SHANK2: variants seen among roughly 807,000 people sequenced by gnomAD.
SHANK2 encodes SH3 and multiple ankyrin repeat domains protein 2.
In SHANK2, 43 loss-of-function variants were observed where a neutral mutation model predicts 133.7. The observed-to-expected ratio is 0.32, with a 90% CI of 0.25 to 0.41. SHANK2 has a LOEUF of 0.41. Among genes scored for constraint, SHANK2 ranks in the 10% least tolerant of loss-of-function variants. The probability of loss-of-function intolerance (pLI) is 1.00; values close to 1 mark genes in which losing one functional copy is unlikely to be tolerated. For synonymous variants in SHANK2, 1,017 were observed against 952.8 expected (o/e 1.07, Z -1.24); for missense variants, 1,994 against 2,235.8 (o/e 0.89, Z 2.18).
intron 6 of SHANK2, among the ~76,000 whole-genome samples, chr11:71,102,274 A>C (rs1488737686): frequency 6.6e-6 from 1 of 151,352 alleles, no homozygotes; most frequent in East Asian, 1.9e-4. Flanking sequence ...TTTTTTTTAC[A>C]CTACTTTTAT....
chr11:70,680,669 C>G (rs1360527742), intron 15 of SHANK2, among the ~76,000 whole-genome samples: 5 of 152,148 alleles, frequency 3.3e-5, no homozygotes, highest in Non-Finnish European at 7.3e-5. Flanking sequence ...CACTCACAGG[C>G]CCCAGGGGTT....
chr11:70,476,400 C>CG (rs1186811505), intron 25 of SHANK2, among the ~76,000 whole-genome samples: 6 of 152,058 alleles, frequency 3.9e-5, no homozygotes, highest in Non-Finnish European at 1.5e-5. Context: ...CTGCAACCCC[C>CG]CCTTCTCTGG....
At chr11:70,686,832 C>A (rs1195813663) in intron 15 of SHANK2, among the ~76,000 whole-genome samples, 1 of 152,218 alleles carries the variant, frequency 6.6e-6, no homozygotes, top group African/African-American at 2.4e-5. Flanking sequence ...GTGAGCATTT[C>A]CCGAAAACCT....
intron 17 of SHANK2, among the ~76,000 whole-genome samples, chr11:70,524,859 A>G (rs2059376289): frequency 6.6e-6 from 1 of 152,246 alleles, no homozygotes; most frequent in Non-Finnish European, 1.5e-5. Flanking sequence ...GCCTCTCACC[A>G]TCTCATGCAC....
At chr11:71,161,393 C>A (rs1459527703) in intron 2 of SHANK2, among the ~76,000 whole-genome samples, 2 of 152,158 alleles carry the variant, frequency 1.3e-5, no homozygotes, top group Non-Finnish European at 2.9e-5. Flanking sequence ...TAGAGAATCC[C>A]CTTCCCTTTC....
Position 70,869,254 on chromosome 11 carries a change from C to G in SHANK2, c.1174+27247G>C, listed in dbSNP as rs959898472. Among the ~76,000 whole-genome samples the G allele has an allele frequency of 2.0e-5, 3 of 152,330 alleles. No individual in the cohort carries two copies. The East Asian group carries it at 5.8e-4, about 29-fold the overall frequency. On this transcript the variant is annotated intron_variant, in intron 11 of 25. Coordinates refer to ENST00000601538, the MANE Select transcript of SHANK2 (RefSeq NM_012309.5). ...AAATGACTTGTGTAAGCCTCCCTGTCTGTGGTGCTTTATGACGGCAGCTGG... is the reference window on the plus strand; with the variant it reads ...AAATGACTTGTGTAAGCCTCCCTGTGTGTGGTGCTTTATGACGGCAGCTGG...
intron 14 of SHANK2, among the ~76,000 whole-genome samples, chr11:70,707,372 C>CAAAAA (rs1172194976): frequency 1.4e-4 from 8 of 57,878 alleles, no homozygotes; most frequent in Non-Finnish European, 1.2e-4. Context: ...AACTCCATCT[C>CAAAAA]AAAAAAAAAA....
chr11:70,810,168 C>A (rs940573436), intron 12 of SHANK2, among the ~76,000 whole-genome samples: 5 of 152,170 alleles, frequency 3.3e-5, no homozygotes, highest in African/African-American at 9.7e-5. Flanking sequence ...CAGTGAGCCA[C>A]CAGGGAGCAG....
intron 17 of SHANK2, among the ~76,000 whole-genome samples, chr11:70,652,996 G>A (rs1444128310): frequency 6.6e-6 from 1 of 151,840 alleles, no homozygotes; most frequent in East Asian, 1.9e-4. Context: ...TTTTTGAGAT[G>A]GAGTCTCGCT....
intron 17 of SHANK2, among the ~76,000 whole-genome samples, chr11:70,523,772 A>G (rs1286737695): frequency 1.4e-4 from 21 of 152,144 alleles, no homozygotes; most frequent in Admixed American, 1.4e-3. Flanking sequence ...CTTGTTCTCA[A>G]CAAGAATATC....
chr11:70,906,488 C>T (rs1267734762), intron 10 of SHANK2, among the ~76,000 whole-genome samples: 6 of 152,204 alleles, frequency 3.9e-5, no homozygotes, highest in African/African-American at 1.4e-4. Context: ...AAAGCCACTC[C>T]ACCGCCCCGA....
At chr11:70,828,049 C>T (rs1202173492) in intron 11 of SHANK2, among the ~76,000 whole-genome samples, 9 of 152,120 alleles carry the variant, frequency 5.9e-5, no homozygotes, top group African/African-American at 1.4e-4. Flanking sequence ...AAGGTGGAGG[C>T]GGTTGAATTG....
intron 17 of SHANK2, among the ~76,000 whole-genome samples, chr11:70,512,863 A>AT (rs1479852348): frequency 2.6e-5 from 4 of 152,174 alleles, no homozygotes; most frequent in Admixed American, 6.5e-5. Flanking sequence ...TTAGGACATA[A>AT]TTTTTTTGAG....
intron 6 of SHANK2, among the ~76,000 whole-genome samples, chr11:71,109,545 C>T (rs111490934): frequency 2.6e-5 from 4 of 152,194 alleles, no homozygotes; most frequent in African/African-American, 9.6e-5. Context: ...GGTGCAGATG[C>T]CCATCTGCTG....
At chr11:71,141,551 C>T (rs1952554474) in intron 3 of SHANK2, among the ~76,000 whole-genome samples, 1 of 152,120 alleles carries the variant, frequency 6.6e-6, no homozygotes. Context: ...TGCTCCTCCT[C>T]CAACTTCCAC....
intron 11 of SHANK2, among the ~76,000 whole-genome samples, chr11:70,886,911 A>G (rs1949755714): frequency 1.3e-5 from 2 of 152,174 alleles, no homozygotes; most frequent in Non-Finnish European, 2.9e-5. Context: ...TTAAAATATA[A>G]AAACCCCTCG....
chr11:70,782,202 T>A (rs1002910498), intron 14 of SHANK2, among the ~76,000 whole-genome samples: 1 of 152,164 alleles, frequency 6.6e-6, no homozygotes, highest in African/African-American at 2.4e-5. Context: ...GTAGCTGGGA[T>A]TACAGGTGCC....
chr11:70,650,540 T>C (rs2061327688), intron 17 of SHANK2, among the ~76,000 whole-genome samples: 1 of 152,156 alleles, frequency 6.6e-6, no homozygotes. Context: ...CCAGCAATGC[T>C]CTTGCTCTGT....
chr11:70,835,241 G>A lies in SHANK2; in HGVS notation c.1175-14559C>T, dbSNP rs868994843. Among the ~76,000 whole-genome samples, 13 of 152,276 alleles carry A rather than the reference G, an allele frequency of 8.5e-5. No homozygotes were observed. In the Middle Eastern group the frequency reaches 0.01, roughly 120 times the overall value. On this transcript the variant is annotated intron_variant, in intron 11 of 25. Coordinates refer to ENST00000601538, the MANE Select transcript of SHANK2 (RefSeq NM_012309.5). ...AGCCAAGGGGCGTGCAATGGCTTAC[G>A]GGCAGCATGAACCATCCCTGTGGTG...
Sources: gnomAD v4.1 joint callset for allele counts (sites outside exome capture counted in the v4.1 genomes callset) on GRCh38, gnomAD v4.1.1 for gene constraint, MANE v1.5 for transcripts, NCBI Gene and HGNC (gene_info 2026-07-23, HGNC 2026-07-21) for gene names.